SLCO3A1: variants seen among roughly 807,000 people sequenced by gnomAD.
The protein encoded by SLCO3A1 is PGE1 transporter.
A neutral mutation model predicts 63.1 loss-of-function variants in SLCO3A1; 27 were observed. That is an observed-to-expected ratio of 0.43 (90% CI 0.32 to 0.59). The LOEUF (loss-of-function observed/expected upper bound fraction) is 0.59, where lower values mean the gene tolerates loss of function less well. Ranked by LOEUF, SLCO3A1 falls within the 20% of genes least tolerant of loss-of-function variation. The pLI, the probability that SLCO3A1 is intolerant of heterozygous loss-of-function variation, is 0.09. For synonymous variants in SLCO3A1, 473 were observed against 409.9 expected, an observed-to-expected ratio of 1.15 and a Z score of -1.86; for missense variants, 773 against 945.8, an observed-to-expected ratio of 0.82 and a Z score of 2.40.
chr15:92,171,572 T>C (rs1249430190), intron 10 of SLCO3A1: 12 of 532,380 alleles, frequency 2.3e-5, no homozygotes, highest in Non-Finnish European at 6.7e-6. Flanking sequence ...AGAAAGGATA[T>C]TTGGCCTTCA....
Position 91,871,765 on chromosome 15 carries a change from G to GTTTTTT in SLCO3A1, c.180+17692_180+17697dup, listed in dbSNP as rs33938693. 1.8e-4 allele frequency among the ~76,000 whole-genome samples: 8 copies of GTTTTTT among 45,704 alleles called. 1 individual carries two copies. Among genetic ancestry groups the GTTTTTT allele is most frequent in the Admixed American group, 3.2e-4 (1 of 3,092 alleles). The allele number at this position is 45,704 out of a possible 152,430, so 30.0% of individuals were successfully genotyped here. ...GGTGTGCTCATTTTGTTTTTTTTTGGTTTTTTTTTTTTTTTTTTTTGGCTG... is the reference window on the plus strand; with the variant it reads ...GGTGTGCTCATTTTGTTTTTTTTTGGTTTTTTTTTTTTTTTTTTTTTTTTTTGGCTG... On this transcript the variant is annotated intron_variant, in intron 1 of 9. Coordinates refer to ENST00000318445, the MANE Select transcript of SLCO3A1 (RefSeq NM_013272.4).
rs376598119 is a variant in SLCO3A1 at position 92,163,240 on chromosome 15, C to G, written c.*105C>G. 2.1e-6 allele frequency: 3 copies of G among 1,430,898 alleles called. No homozygotes were observed. The highest frequency in any genetic ancestry group is 1.5e-5 in the African/African-American group (1 of 68,762). 88.6% of individuals were successfully genotyped at this position (1,430,898 alleles called of 1,614,324 possible). On this transcript the variant is annotated 3_prime_UTR_variant, in exon 10 of 10. Transcript: ENST00000318445. ...AAAACCAAAACTCAGTACACACACACAGGCACAGATGCACACACACGCAGA... is the reference window on the plus strand; with the variant it reads ...AAAACCAAAACTCAGTACACACACAGAGGCACAGATGCACACACACGCAGA...
At chr15:92,141,462 T>G (rs187771166) in intron 7 of SLCO3A1, among the ~76,000 whole-genome samples, 2 of 152,320 alleles carry the variant, frequency 1.3e-5, no homozygotes, top group African/African-American at 2.4e-5. Context: ...ACTATGCTAT[T>G]GGGGTTTGGG....
chr15:91,975,911 C>T (rs1308274059), intron 2 of SLCO3A1, among the ~76,000 whole-genome samples: 1 of 152,222 alleles, frequency 6.6e-6, no homozygotes, highest in African/African-American at 2.4e-5. Context: ...TGACCTTGGT[C>T]AGATCACTGA....
rs376739157 is a variant in SLCO3A1 at position 91,959,585 on chromosome 15, C to T, written c.646+43127C>T. Among the ~76,000 whole-genome samples, 68 of 151,432 alleles carry T rather than the reference C, an allele frequency of 4.5e-4. 1 individual carries two copies. The highest frequency in any genetic ancestry group is 7.2e-4 in the Non-Finnish European group (49 of 67,822). On this transcript the variant is annotated intron_variant, in intron 2 of 9. Transcript: ENST00000318445. ...TCTCTCCTAAAAATACAAAAAAATT[C>T]GCTGGGTGTGGTGGTGGGCACCTGT...
intron 2 of SLCO3A1, among the ~76,000 whole-genome samples, chr15:91,926,307 T>C (rs1197616244): frequency 6.6e-6 from 1 of 152,238 alleles, no homozygotes; most frequent in African/African-American, 2.4e-5. Flanking sequence ...TGGCAGGCTT[T>C]GTGCAGGAAC....
intron 2 of SLCO3A1, among the ~76,000 whole-genome samples, chr15:92,009,753 A>G (rs2046349307): frequency 6.6e-6 from 1 of 152,214 alleles, no homozygotes; most frequent in South Asian, 2.1e-4. Context: ...AGCTACTATC[A>G]GTGTGGAGTT....
intron 2 of SLCO3A1, among the ~76,000 whole-genome samples, chr15:91,924,205 C>G (rs1808979884): frequency 6.6e-6 from 1 of 152,170 alleles, no homozygotes; most frequent in Non-Finnish European, 1.5e-5. Context: ...ATGAGAAAAG[C>G]AGACAGTGTG....
At chr15:91,923,365 A>T (rs1183872905) in intron 2 of SLCO3A1, among the ~76,000 whole-genome samples, 2 of 152,226 alleles carry the variant, frequency 1.3e-5, no homozygotes, top group African/African-American at 2.4e-5. Context: ...GATGTGATCC[A>T]TCTTATAGAG....
chr15:92,028,427 G>A (rs2046603324), intron 2 of SLCO3A1, among the ~76,000 whole-genome samples: 1 of 152,108 alleles, frequency 6.6e-6, no homozygotes, highest in African/African-American at 2.4e-5. Context: ...GCTTCACTCA[G>A]CAAAAGTATT....
intron 5 of SLCO3A1, among the ~76,000 whole-genome samples, chr15:92,121,936 G>A (rs528484296): frequency 7.9e-5 from 12 of 152,330 alleles, no homozygotes; most frequent in South Asian, 4.1e-4. Flanking sequence ...AAGTGGCAGC[G>A]GTGGCACCCG....
rs745753627 is a variant in SLCO3A1, at chr15:91,900,165, A to G, written c.181-15828A>G. On this transcript the variant is annotated intron_variant, in intron 1 of 9. Transcript: ENST00000318445. The surrounding 1 kb of genome is among the most constrained non-coding windows in gnomAD (Gnocchi z 4.3). The stretch of plus-strand genomic sequence containing the variant: ...TTCTCTTAGGTAGATACCTGGGAGT[A>G]GAATTACTGGGTCATGTGGTAAATT... Among the ~76,000 whole-genome samples the G allele has an allele frequency of 3.9e-5, 6 of 152,248 alleles. No homozygotes were observed. Among genetic ancestry groups the G allele is most frequent in the Admixed American group, 6.5e-5 (1 of 15,282 alleles).
At chr15:92,053,438 T>C (rs1166828856) in intron 2 of SLCO3A1, among the ~76,000 whole-genome samples, 1 of 152,204 alleles carries the variant, frequency 6.6e-6, no homozygotes, top group African/African-American at 2.4e-5. Flanking sequence ...TATCAATACA[T>C]TGCGATCATC....
chr15:92,158,251 G>T (rs1466937993), intron 9 of SLCO3A1, among the ~76,000 whole-genome samples: 2 of 152,044 alleles, frequency 1.3e-5, no homozygotes, highest in Non-Finnish European at 2.9e-5. Context: ...TTCAAAACCA[G>T]GCTTCTTCAA....
chr15:91,880,955 G>T (rs1298926425), intron 1 of SLCO3A1, among the ~76,000 whole-genome samples: 1 of 152,164 alleles, frequency 6.6e-6, no homozygotes, highest in Non-Finnish European at 1.5e-5. Flanking sequence ...ATGGAATTTG[G>T]TGGAGAGAGC....
intron 2 of SLCO3A1, among the ~76,000 whole-genome samples, chr15:92,042,909 G>C (rs1400786): frequency 6.6e-6 from 1 of 151,984 alleles, no homozygotes; most frequent in South Asian, 2.1e-4. Context: ...ATCAGCAGGT[G>C]TTAAGGTGTG....
chr15:92,125,277 C>G (rs766843502), intron 5 of SLCO3A1, among the ~76,000 whole-genome samples: 19 of 152,128 alleles, frequency 1.2e-4, no homozygotes, highest in Non-Finnish European at 2.5e-4. Flanking sequence ...CAATTGAAAG[C>G]TGAGTTTTAG....
At chr15:92,160,999 C>T (rs575541211) in intron 9 of SLCO3A1, among the ~76,000 whole-genome samples, 1 of 152,206 alleles carries the variant, frequency 6.6e-6, no homozygotes, top group East Asian at 1.9e-4. Context: ...GGGTCTAGAT[C>T]TCATCAAAAT....
chr15:91,869,699 A>G (rs917689989), intron 1 of SLCO3A1, among the ~76,000 whole-genome samples: 2 of 151,808 alleles, frequency 1.3e-5, no homozygotes, highest in African/African-American at 4.8e-5. Flanking sequence ...ACACTATTTC[A>G]ACAACAACAA....
Sources: gnomAD v4.1 joint callset for allele counts (sites outside exome capture counted in the v4.1 genomes callset) on GRCh38, gnomAD v4.1.1 for gene constraint, Gnocchi (gnomAD v3.1) non-coding constraint, MANE v1.5 for transcripts, NCBI Gene and HGNC (gene_info 2026-07-23, HGNC 2026-07-21) for gene names.